The following PTPRG variants were observed in gnomAD, a reference collection of about 807,000 sequenced individuals.
PTPRG encodes receptor-type tyrosine-protein phosphatase gamma.
In PTPRG, 102 loss-of-function variants were observed where a neutral mutation model predicts 165.3. The observed-to-expected ratio is 0.62, with a 90% CI of 0.53 to 0.73. The LOEUF is 0.73. Ranked by LOEUF, PTPRG falls within the 30% of genes least tolerant of loss-of-function variation. The pLI is 0.00. For missense variants in PTPRG, 1,866 were observed against 1,861.4 expected (o/e 1.00, Z -0.05); for synonymous variants, 675 against 669.5 (o/e 1.01, Z -0.13).
intron 2 of PTPRG, among the ~76,000 whole-genome samples, chr3:61,839,474 T>C (rs2036558085): frequency 1.3e-5 from 2 of 152,226 alleles, no homozygotes; most frequent in South Asian, 4.1e-4. Context: ...ATTCTTCAGC[T>C]GCTAGAAGGC....
rs576894152 is a variant in PTPRG, at chr3:62,275,460, A to G, written c.3466-413A>G. Among the ~76,000 whole-genome samples the G allele has an allele frequency of 8.5e-5, 13 of 152,312 alleles. No individual in the cohort carries two copies. The South Asian group carries it at 2.7e-3, about 32-fold the overall frequency. On this transcript the variant is annotated intron_variant, in intron 23 of 29. Coordinates refer to ENST00000474889, the MANE Select transcript of PTPRG (RefSeq NM_002841.4). ...ACAGTACCTATTTCTACCTGATAGTAGAAATAAGAAAGATACAATCAAGGT... is the reference window on the plus strand; with the variant it reads ...ACAGTACCTATTTCTACCTGATAGTGGAAATAAGAAAGATACAATCAAGGT...
chr3:61,809,893 A>G (rs891949551), intron 2 of PTPRG, among the ~76,000 whole-genome samples: 1 of 152,190 alleles, frequency 6.6e-6, no homozygotes, highest in Non-Finnish European at 1.5e-5. Flanking sequence ...TAAGCAGAAC[A>G]GTTTTCCCCC....
chr3:61,817,719 A>G (rs970005131), intron 2 of PTPRG, among the ~76,000 whole-genome samples: 2 of 152,208 alleles, frequency 1.3e-5, no homozygotes, highest in Non-Finnish European at 2.9e-5. Context: ...GCAGATGCCC[A>G]TGGGAAAGTG....
chr3:61,741,981 A>G (rs1033470373), intron 1 of PTPRG, among the ~76,000 whole-genome samples: 6 of 152,218 alleles, frequency 3.9e-5, no homozygotes, highest in African/African-American at 9.7e-5. Context: ...TTCATATTCA[A>G]TATAGACTCA....
intron 9 of PTPRG, among the ~76,000 whole-genome samples, chr3:62,193,923 C>T (rs533161325): frequency 3.3e-5 from 5 of 152,090 alleles, no homozygotes; most frequent in African/African-American, 7.2e-5. Context: ...TTTTGTTGTT[C>T]GTTTCTTTAG....
chr3:62,088,697 A>G (rs767489439), intron 5 of PTPRG, among the ~76,000 whole-genome samples: 66 of 152,250 alleles, frequency 4.3e-4, no homozygotes, highest in Non-Finnish European at 9.0e-4. Context: ...AAGAGCATGT[A>G]CAAATGCTTT....
chr3:61,786,062 A>G (rs2034691073), intron 2 of PTPRG, among the ~76,000 whole-genome samples: 1 of 152,176 alleles, frequency 6.6e-6, no homozygotes, highest in South Asian at 2.1e-4. Context: ...TTAAATGAAC[A>G]TCATGTGTAG....
chr3:61,840,782 GT>G (rs149041037), intron 2 of PTPRG, among the ~76,000 whole-genome samples: 79 of 120,104 alleles, frequency 6.6e-4, no homozygotes, highest in African/African-American at 1.5e-3. Context: ...TTGTTTGTTT[GT>G]TTTTTTTTTT....
At chr3:61,725,452 T>G (rs2032218518) in intron 1 of PTPRG, among the ~76,000 whole-genome samples, 1 of 152,176 alleles carries the variant, frequency 6.6e-6, no homozygotes, top group South Asian at 2.1e-4. Flanking sequence ...CAGCACCATT[T>G]GTTGAAAAGA....
chr3:61,967,862 A>G (rs2040304309), intron 2 of PTPRG, among the ~76,000 whole-genome samples: 1 of 152,206 alleles, frequency 6.6e-6, no homozygotes, highest in African/African-American at 2.4e-5. Context: ...TGCGTTTGTG[A>G]ATATGTATTT....
In PTPRG at chr3:62,271,318, ACATTATTTTTTTC is replaced by A. The variant is rs1702052404; in HGVS notation, c.3010-62_3010-50del. On this transcript the variant is annotated intron_variant, in intron 20 of 29. Transcript: ENST00000474889. This position sits in a 1 kb window ranked among gnomAD's most constrained non-coding sequence, Gnocchi z 4.1. ...AGTGGTCATGTGTCCTGACACCCTT[ACATTATTTTTTTC>A]CAGAATGTCCACCCCCCCGCTTAAA... 7.3e-7 allele frequency: 1 copy of A among 1,377,010 alleles called. No individual in the cohort carries two copies. The highest frequency in any genetic ancestry group is 2.0e-5 in the Admixed American group (1 of 50,714). The allele number at this position is 1,377,010 out of a possible 1,614,324, so 85.3% of individuals were successfully genotyped here.
chr3:62,055,545 G>A (rs189529091), intron 4 of PTPRG, among the ~76,000 whole-genome samples: 1 of 152,256 alleles, frequency 6.6e-6, no homozygotes, highest in East Asian at 1.9e-4. Flanking sequence ...TATTTCCTAG[G>A]GTTGCCTTGA....
chr3:62,023,282 A>T (rs1282480440), intron 4 of PTPRG, among the ~76,000 whole-genome samples: 4 of 152,186 alleles, frequency 2.6e-5, no homozygotes, highest in South Asian at 4.1e-4. Flanking sequence ...AACATCAGGA[A>T]ACTAGAACTT....
intron 1 of PTPRG, among the ~76,000 whole-genome samples, chr3:61,573,004 C>G (rs1368430260): frequency 6.6e-6 from 1 of 152,212 alleles, no homozygotes; most frequent in African/African-American, 2.4e-5. Context: ...TGGCTGATGA[C>G]ATGACTTCTT....
intron 5 of PTPRG, among the ~76,000 whole-genome samples, chr3:62,099,791 A>ATTTTT (rs1379766555): frequency 7.5e-6 from 1 of 133,878 alleles, no homozygotes; most frequent in Non-Finnish European, 1.6e-5. Flanking sequence ...TAAGTGTTAA[A>ATTTTT]TCTTTTTTTT....
chr3:61,633,131 C>A (rs1156485202), intron 1 of PTPRG, among the ~76,000 whole-genome samples: 1 of 152,218 alleles, frequency 6.6e-6, no homozygotes, highest in African/African-American at 2.4e-5. Flanking sequence ...GAGCCTGCAT[C>A]TCTCTTCTCT....
intron 6 of PTPRG, among the ~76,000 whole-genome samples, chr3:62,146,201 G>A (rs1393840599): frequency 6.6e-6 from 1 of 152,062 alleles, no homozygotes; most frequent in Non-Finnish European, 1.5e-5. Flanking sequence ...CTTTCTCTTT[G>A]GAAATATTAA....
At position 61,654,940 on chromosome 3, in the gene PTPRG, C is replaced by T. The variant is rs563860971; in HGVS notation, c.85+92568C>T. 3.9e-5 allele frequency among the ~76,000 whole-genome samples: 6 copies of T among 152,012 alleles called. No individual in the cohort carries two copies. The East Asian group carries it at 1.2e-3, about 29-fold the overall frequency. On this transcript the variant is annotated intron_variant, in intron 1 of 29. Transcript: ENST00000474889. ...AGGATTTTAGGTGCCCACCACCATG[C>T]CCAGCTACTTTTTGTATTTTTTTTT... is the stretch of plus-strand genomic sequence containing the variant.
chr3:61,573,932 AG>A (rs1700119504), intron 1 of PTPRG, among the ~76,000 whole-genome samples: 1 of 152,188 alleles, frequency 6.6e-6, no homozygotes, highest in African/African-American at 2.4e-5. Flanking sequence ...TTGGCTGCTA[AG>A]GTATCTGTTG....
Sources: allele counts gnomAD v4.1 joint callset (sites outside exome capture counted in the v4.1 genomes callset), GRCh38; gene constraint gnomAD v4.1.1; non-coding constraint Gnocchi (gnomAD v3.1); transcripts MANE v1.5; gene names NCBI Gene and HGNC (gene_info 2026-07-23, HGNC 2026-07-21).